Variants in FLT1 observed in about 807,000 individuals in gnomAD.
The protein encoded by FLT1 is vascular endothelial growth factor receptor 1.
A neutral mutation model predicts 156.3 loss-of-function variants in FLT1; 49 were observed. That is an observed-to-expected ratio of 0.31 (90% CI 0.25 to 0.40). FLT1 has a LOEUF of 0.40. FLT1 is among the 10% of genes least tolerant of loss of function. FLT1 has a pLI of 1.00. For missense variants in FLT1, 1,322 were observed against 1,637.2 expected (o/e 0.81, Z 3.32); for synonymous variants, 594 against 583.8 (o/e 1.02, Z -0.25).
intron 7 of FLT1, among the ~76,000 whole-genome samples, chr13:28,430,487 T>C (rs1485286108): frequency 1.3e-5 from 2 of 152,162 alleles, no homozygotes; most frequent in Non-Finnish European, 2.9e-5. Context: ...ACCTGGCCAC[T>C]ATAAGCAAGG....
chr13:28,380,671 A>G (rs1874039682), intron 14 of FLT1, among the ~76,000 whole-genome samples: 1 of 151,618 alleles, frequency 6.6e-6, no homozygotes, highest in Non-Finnish European at 1.5e-5. Flanking sequence ...AAGATCAGAG[A>G]AAGCTGGGTG....
intron 3 of FLT1, among the ~76,000 whole-genome samples, chr13:28,452,457 A>C (rs1426276968): frequency 6.6e-6 from 1 of 152,204 alleles, no homozygotes; most frequent in East Asian, 1.9e-4. Context: ...CCAGGTGCTT[A>C]ATGAATCCCA....
chr13:28,466,595 A>G (rs1449970974), intron 3 of FLT1: 1 of 384,494 alleles, frequency 2.6e-6, no homozygotes, highest in African/African-American at 2.0e-5. Flanking sequence ...ACTAAGAAAT[A>G]GAACTAAAAT....
intron 3 of FLT1, among the ~76,000 whole-genome samples, chr13:28,450,210 T>A (rs945062860): frequency 6.6e-6 from 1 of 151,896 alleles, no homozygotes; most frequent in East Asian, 1.9e-4. Flanking sequence ...CACACAAGAA[T>A]GCTCATGTTG....
chr13:28,425,879 G>T (rs1877310420), intron 10 of FLT1, among the ~76,000 whole-genome samples: 1 of 151,936 alleles, frequency 6.6e-6, no homozygotes, highest in Non-Finnish European at 1.5e-5. Context: ...CATTCACAGT[G>T]GTAAAGAAGA....
intron 3 of FLT1, among the ~76,000 whole-genome samples, chr13:28,462,563 C>T (rs1394284475): frequency 6.6e-6 from 1 of 152,196 alleles, no homozygotes; most frequent in Non-Finnish European, 1.5e-5. Context: ...TTTACAAATG[C>T]ATATCATATT....
At chr13:28,401,249 A>AGG (rs1450741497) in intron 11 of FLT1, among the ~76,000 whole-genome samples, 1 of 152,234 alleles carries the variant, frequency 6.6e-6, no homozygotes, top group Non-Finnish European at 1.5e-5. Flanking sequence ...TTAGTCTTAA[A>AGG]GGACTCATGC....
At position 28,302,537 on chromosome 13, in the gene FLT1, C is replaced by A. The variant is rs1870556258; in HGVS notation, c.*630G>T. The A allele has an allele frequency of 4.3e-6, 1 of 233,408 alleles. No homozygotes were observed. Among genetic ancestry groups the A allele is most frequent in the South Asian group, 1.8e-4 (1 of 5,528 alleles). The allele number at this position is 233,408 out of a possible 1,614,324, so 14.5% of individuals were successfully genotyped here. The stretch of plus-strand genomic sequence containing the variant: ...CTCATCGCTGTCCATCTGCTCCTGG[C>A]TGGGCCCTCAAATGTAGAAGGGTCA... On this transcript the variant is annotated 3_prime_UTR_variant, in exon 30 of 30. Coordinates refer to ENST00000282397, the MANE Select transcript of FLT1 (RefSeq NM_002019.4).
intron 10 of FLT1, among the ~76,000 whole-genome samples, chr13:28,409,644 A>T (rs1876026237): frequency 6.6e-6 from 1 of 152,042 alleles, no homozygotes. Context: ...CAAACCTACC[A>T]TCTTGACAGT....
At chr13:28,366,158 A>G (rs574074793) in intron 14 of FLT1, among the ~76,000 whole-genome samples, 17 of 152,276 alleles carry the variant, frequency 1.1e-4, no homozygotes, top group Non-Finnish European at 2.1e-4. Context: ...TGGCAACCAG[A>G]TCAACTTATA....
At chr13:28,312,785 C>T (rs994544375) in intron 25 of FLT1, among the ~76,000 whole-genome samples, 3 of 151,958 alleles carry the variant, frequency 2.0e-5, no homozygotes, top group African/African-American at 7.3e-5. Context: ...TGATCATTCT[C>T]CCCCAGCACT....
chr13:28,330,464 A>G (rs955216954), intron 18 of FLT1, among the ~76,000 whole-genome samples: 1 of 151,844 alleles, frequency 6.6e-6, no homozygotes, highest in South Asian at 2.1e-4. Flanking sequence ...ATGAGTTGGA[A>G]TAAAATGTTC....
At chr13:28,362,164 A>G (rs1202577345) in intron 14 of FLT1, among the ~76,000 whole-genome samples, 2 of 152,228 alleles carry the variant, frequency 1.3e-5, no homozygotes, top group African/African-American at 4.8e-5. Context: ...GATGAGTCCA[A>G]GGTGATTCCA....
chr13:28,475,771 G>A (rs192236729), intron 1 of FLT1, among the ~76,000 whole-genome samples: 4 of 152,304 alleles, frequency 2.6e-5, no homozygotes, highest in Admixed American at 6.5e-5. Context: ...CAGATAATAT[G>A]AAGTGGGCAT....
At chr13:28,492,847 G>C (rs113562612) in intron 1 of FLT1, among the ~76,000 whole-genome samples, 1 of 152,076 alleles carries the variant, frequency 6.6e-6, no homozygotes, top group East Asian at 1.9e-4. Flanking sequence ...CCATGATGCC[G>C]ACTGAGCTAA....
chr13:28,386,128 G>A (rs946355599), intron 13 of FLT1: 2 of 1,052,650 alleles, frequency 1.9e-6, no homozygotes, highest in Admixed American at 5.5e-5. Flanking sequence ...CCTCATCTTA[G>A]TGTACTAAAA....
At chr13:28,360,362 G>A (rs1873068550) in intron 14 of FLT1, among the ~76,000 whole-genome samples, 1 of 152,130 alleles carries the variant, frequency 6.6e-6, no homozygotes, top group South Asian at 2.1e-4. Context: ...TTGAAATCAA[G>A]GATGCTGAAG....
chr13:28,423,954 T>C (rs1593776322), intron 10 of FLT1, among the ~76,000 whole-genome samples: 1 of 152,232 alleles, frequency 6.6e-6, no homozygotes, highest in East Asian at 1.9e-4. Context: ...TTTCTTTCTT[T>C]TTCTTTTTTT....
intron 14 of FLT1, among the ~76,000 whole-genome samples, chr13:28,361,808 A>G (rs1020942032): frequency 3.3e-5 from 5 of 152,206 alleles, no homozygotes; most frequent in African/African-American, 1.2e-4. Context: ...ACCTGTTTTG[A>G]GTAGGTGACT....
Sources: allele counts gnomAD v4.1 joint callset (sites outside exome capture counted in the v4.1 genomes callset), GRCh38; gene constraint gnomAD v4.1.1; transcripts MANE v1.5; gene names NCBI Gene and HGNC (gene_info 2026-07-23, HGNC 2026-07-21).